FHOD3: variants seen among roughly 807,000 people sequenced by gnomAD.
FHOD3 encodes formin homology 2 domain containing 3.
Under a neutral mutation model 173.0 loss-of-function variants are expected in FHOD3, and 90 were observed. The ratio of observed to expected loss-of-function variants is 0.52; its 90% CI spans 0.44 to 0.62. The LOEUF is 0.62. FHOD3 is among the 20% of genes least tolerant of loss of function. FHOD3 has a pLI of 0.00. For synonymous variants in FHOD3, 828 were observed against 823.0 expected (o/e 1.01, Z -0.10); for missense variants, 1,945 against 2,034.7 (o/e 0.96, Z 0.85).
chr18:36,524,503 C>T (rs2056424461), intron 5 of FHOD3, among the ~76,000 whole-genome samples: 1 of 152,072 alleles, frequency 6.6e-6, no homozygotes, highest in African/African-American at 2.4e-5. Flanking sequence ...GGGAGTTGGA[C>T]TCATTGATCA....
intron 3 of FHOD3, among the ~76,000 whole-genome samples, chr18:36,457,463 C>T (rs555091964): frequency 6.6e-6 from 1 of 152,168 alleles, no homozygotes; most frequent in South Asian, 2.1e-4. Context: ...CCGTACAGAA[C>T]ATCTGACTTT....
In FHOD3 at chr18:36,652,600, C is replaced by A; in HGVS notation, c.1317C>A (p.Pro439=). The change falls in exon 12 of 29, where the codon CCC becomes CCA. Residue 439 remains proline (P), a synonymous_variant. Transcript: ENST00000590592. The part of the protein sequence containing the change: ...SKVGAASGQS[P]TGRDAAPKSS... ...TCGGCGCTGCCTCAGGGCAGAGCCCCACTGGAAGGGATGCTGCTCCCAAGA... is the reference window on the plus strand; with the variant it reads ...TCGGCGCTGCCTCAGGGCAGAGCCCAACTGGAAGGGATGCTGCTCCCAAGA... The A allele has an allele frequency of 6.5e-7, 1 of 1,534,646 alleles. No individual in the cohort carries two copies. The highest frequency in any genetic ancestry group is 8.7e-7 in the Non-Finnish European group (1 of 1,146,572).
At chr18:36,324,669 C>T (rs1311415923) in intron 1 of FHOD3, among the ~76,000 whole-genome samples, 1 of 152,222 alleles carries the variant, frequency 6.6e-6, no homozygotes, top group Non-Finnish European at 1.5e-5. Flanking sequence ...AGTGATACTA[C>T]TGCATACCCA....
rs939238064 is a variant in FHOD3 at position 36,297,902 on chromosome 18, C to T, written c.67C>T (p.Pro23Ser). Residue 23 changes from proline (P) to serine (S), a missense_variant, in exon 1 of 29, where the codon CCC (proline) becomes TCC (serine). Pro to Ser is a moderately conservative substitution (Grantham distance 74). Transcript: ENST00000590592. The part of the protein sequence containing the change: ...DTDPFNSTNF[P>S]EPSRPPLFTF... ...GGACCCTTTCAACAGCACCAACTTCCCCGAGCCCAGCCGGCCGCCGCTGTT... is the reference window on the plus strand; with the variant it reads ...GGACCCTTTCAACAGCACCAACTTCTCCGAGCCCAGCCGGCCGCCGCTGTT... 29 of 1,559,384 alleles carry T rather than the reference C, an allele frequency of 1.9e-5. No individual in the cohort carries two copies. Among genetic ancestry groups the T allele is most frequent in the East Asian group, 2.4e-5 (1 of 41,060 alleles).
chr18:36,454,351 A>G (rs16967876), intron 3 of FHOD3, among the ~76,000 whole-genome samples: 23,054 of 151,978 alleles, frequency 0.15, 4,005 homozygotes, highest in African/African-American at 0.42. Context: ...GCGCACACAG[A>G]AGCACACACA....
At chr18:36,478,194 CT>C (rs1254132735) in intron 3 of FHOD3, among the ~76,000 whole-genome samples, 1 of 152,184 alleles carries the variant, frequency 6.6e-6, no homozygotes, top group Non-Finnish European at 1.5e-5. Context: ...TTTAATGCTA[CT>C]TTTCTGTCAC....
chr18:36,346,178 C>A (rs558360551), intron 1 of FHOD3, among the ~76,000 whole-genome samples: 2 of 152,272 alleles, frequency 1.3e-5, no homozygotes, highest in South Asian at 2.1e-4. Context: ...CCAGCCTGGG[C>A]AACATGGCGA....
chr18:36,775,753 C>T lies in FHOD3; in HGVS notation c.4787-3695C>T, dbSNP rs541152083. On this transcript the variant is annotated intron_variant, in intron 28 of 28. Transcript: ENST00000590592. ...CAGACAGTCCTGTGCTGCATGCTGG[C>T]AGCAGAGGCACCCCACATCAGATTC... 5.9e-5 allele frequency among the ~76,000 whole-genome samples: 9 copies of T among 152,304 alleles called. No individual in the cohort carries two copies. In the East Asian group the frequency reaches 1.7e-3, roughly 29 times the overall value.
chr18:36,351,504 A>C (rs1431940154), intron 1 of FHOD3, among the ~76,000 whole-genome samples: 1 of 152,134 alleles, frequency 6.6e-6, no homozygotes, highest in African/African-American at 2.4e-5. Context: ...TGTGTGTTAT[A>C]CTTAAACGAT....
At chr18:36,562,591 C>G (rs903019375) in intron 5 of FHOD3, among the ~76,000 whole-genome samples, 3 of 152,132 alleles carry the variant, frequency 2.0e-5, no homozygotes, top group South Asian at 4.1e-4. Context: ...CCAGTGCCTC[C>G]TACTTCGTAC....
chr18:36,325,996 G>A (rs1479137552), intron 1 of FHOD3, among the ~76,000 whole-genome samples: 1 of 152,232 alleles, frequency 6.6e-6, no homozygotes, highest in Non-Finnish European at 1.5e-5. Context: ...ATTCCTGCAT[G>A]CCAGGGCATA....
chr18:36,518,715 G>A (rs1349604935), intron 5 of FHOD3, among the ~76,000 whole-genome samples: 2 of 152,184 alleles, frequency 1.3e-5, no homozygotes, highest in Non-Finnish European at 2.9e-5. Context: ...AACTTAAGCC[G>A]ACCCAGGCCC....
intron 20 of FHOD3, among the ~76,000 whole-genome samples, chr18:36,735,746 T>G (rs898234296): frequency 3.9e-5 from 6 of 152,216 alleles, no homozygotes; most frequent in Non-Finnish European, 7.3e-5. Context: ...CCCTCAGGGC[T>G]TCAACTTTCA....
At chr18:36,439,692 GAAC>G (rs1214067113) in intron 3 of FHOD3, among the ~76,000 whole-genome samples, 1 of 152,070 alleles carries the variant, frequency 6.6e-6, no homozygotes, top group Non-Finnish European at 1.5e-5. Context: ...TGATGGCCAA[GAAC>G]CAGGGGAGTG....
At chr18:36,434,140 T>C (rs2147293950) in intron 3 of FHOD3, among the ~76,000 whole-genome samples, 1 of 152,352 alleles carries the variant, frequency 6.6e-6, no homozygotes, top group African/African-American at 2.4e-5. Flanking sequence ...TGTTATATTA[T>C]GTTTTATGTT....
chr18:36,737,014 A>C (rs2041668060), intron 20 of FHOD3, among the ~76,000 whole-genome samples: 1 of 152,228 alleles, frequency 6.6e-6, no homozygotes, highest in African/African-American at 2.4e-5. Flanking sequence ...TAATCATCAC[A>C]GTATCATCTG....
chr18:36,440,642 A>G (rs2051089664), intron 3 of FHOD3, among the ~76,000 whole-genome samples: 1 of 152,228 alleles, frequency 6.6e-6, no homozygotes. Flanking sequence ...TTGAGGCAGG[A>G]GTGGTGGAGG....
At chr18:36,442,285 T>A (rs2143820345) in intron 3 of FHOD3, among the ~76,000 whole-genome samples, 1 of 152,332 alleles carries the variant, frequency 6.6e-6, no homozygotes, top group Admixed American at 6.5e-5. Context: ...AGTTGATTTT[T>A]TTTTCCTTTC....
At position 36,380,300 on chromosome 18, in the gene FHOD3, A is replaced by T. The variant is rs55829730; in HGVS notation, c.337+7556A>T. 4.2e-3 allele frequency among the ~76,000 whole-genome samples: 635 copies of T among 152,356 alleles called. 8 individuals carry two copies. The highest frequency in any genetic ancestry group is 0.015 in the African/African-American group (606 of 41,588). Reference sequence around the variant, plus strand: ...TCTATTAATTGTTCACAGAAGTAACATGACTTATCTGTAATCCCAGTAACT... The same window carrying T: ...TCTATTAATTGTTCACAGAAGTAACTTGACTTATCTGTAATCCCAGTAACT... On this transcript the variant is annotated intron_variant, in intron 3 of 28. Transcript: ENST00000590592.
Sources: allele counts gnomAD v4.1 joint callset (sites outside exome capture counted in the v4.1 genomes callset), GRCh38; gene constraint gnomAD v4.1.1; transcripts MANE v1.5; gene names NCBI Gene and HGNC (gene_info 2026-07-23, HGNC 2026-07-21).